Variants in KCNQ5 observed in about 807,000 individuals in gnomAD.
KCNQ5 encodes potassium voltage-gated channel subfamily KQT member 5.
A neutral mutation model predicts 98.2 loss-of-function variants in KCNQ5; 30 were observed. That is an observed-to-expected ratio of 0.31 (90% CI 0.23 to 0.41). KCNQ5 has a LOEUF of 0.41. Among genes scored for constraint, KCNQ5 ranks in the 10% least tolerant of loss-of-function variants. The probability of loss-of-function intolerance (pLI) is 1.00; values close to 1 mark genes in which losing one functional copy is unlikely to be tolerated. For missense variants in KCNQ5, 835 were observed against 1,182.5 expected (o/e 0.71, Z 4.31); for synonymous variants, 458 against 449.4 (o/e 1.02, Z -0.24).
intron 1 of KCNQ5, among the ~76,000 whole-genome samples, chr6:72,661,065 A>C (rs897025108): frequency 6.6e-6 from 1 of 152,060 alleles, no homozygotes; most frequent in Non-Finnish European, 1.5e-5. Flanking sequence ...TAAAATATTT[A>C]TTATTTTCCA....
At chr6:73,165,021 C>A (rs1415051072) in intron 10 of KCNQ5, among the ~76,000 whole-genome samples, 1 of 151,898 alleles carries the variant, frequency 6.6e-6, no homozygotes, top group Non-Finnish European at 1.5e-5. Context: ...CTCTGTTGCC[C>A]AGGCTGGAGT....
At chr6:73,191,221 C>G (rs1167454227) in intron 12 of KCNQ5, among the ~76,000 whole-genome samples, 1 of 152,088 alleles carries the variant, frequency 6.6e-6, no homozygotes, top group East Asian at 1.9e-4. Flanking sequence ...GAGTCTACTG[C>G]AGAGCACAAG....
intron 1 of KCNQ5, among the ~76,000 whole-genome samples, chr6:72,942,197 A>G (rs905012269): frequency 6.6e-6 from 1 of 152,226 alleles, no homozygotes; most frequent in Admixed American, 6.5e-5. Flanking sequence ...TTTGCCTTAT[A>G]TATAACCAAA....
chr6:72,758,945 C>A (rs1234160688), intron 1 of KCNQ5, among the ~76,000 whole-genome samples: 2 of 151,950 alleles, frequency 1.3e-5, no homozygotes, highest in Admixed American at 6.6e-5. Flanking sequence ...TTAACATCAC[C>A]CAGAATGGCC....
intron 1 of KCNQ5, among the ~76,000 whole-genome samples, chr6:72,999,616 T>C (rs1255687752): frequency 6.6e-6 from 1 of 152,212 alleles, no homozygotes; most frequent in East Asian, 1.9e-4. Context: ...TTAATTTTTA[T>C]GTGTGCCATG....
intron 1 of KCNQ5, among the ~76,000 whole-genome samples, chr6:72,998,520 G>C (rs1427719722): frequency 1.3e-5 from 2 of 152,050 alleles, no homozygotes; most frequent in Non-Finnish European, 2.9e-5. Flanking sequence ...CGGATTATGA[G>C]GTCAGGAGAT....
intron 1 of KCNQ5, among the ~76,000 whole-genome samples, chr6:72,937,597 G>A (rs1289623218): frequency 6.6e-6 from 1 of 152,010 alleles, no homozygotes; most frequent in African/African-American, 2.4e-5. Flanking sequence ...GTAAAAGCAG[G>A]TGGATTGTGC....
At chr6:72,765,463 A>G (rs1272075250) in intron 1 of KCNQ5, among the ~76,000 whole-genome samples, 7 of 152,092 alleles carry the variant, frequency 4.6e-5, no homozygotes, top group African/African-American at 9.7e-5. Context: ...AGGAAAGTCC[A>G]TGGTGATATT....
At chr6:73,050,241 A>G (rs1368441410) in intron 3 of KCNQ5, among the ~76,000 whole-genome samples, 1 of 137,318 alleles carries the variant, frequency 7.3e-6, no homozygotes, top group Non-Finnish European at 1.6e-5. Flanking sequence ...AAAGGAAGGA[A>G]GGAAAGAAGG....
At chr6:72,787,004 CAAAAAAAAAA>C (rs1045803750) in intron 1 of KCNQ5, among the ~76,000 whole-genome samples, 19 of 50,462 alleles carry the variant, frequency 3.8e-4, no homozygotes, top group Non-Finnish European at 6.8e-4. Flanking sequence ...GACTCTGTCT[CAAAAAAAAAA>C]AAAAAAAAAA....
chr6:73,145,394 G>A (rs1562205124), intron 10 of KCNQ5, among the ~76,000 whole-genome samples: 1 of 152,186 alleles, frequency 6.6e-6, no homozygotes, highest in African/African-American at 2.4e-5. Flanking sequence ...ATGCTGCTTA[G>A]CATGTTTTCT....
chr6:73,040,192 T>C (rs1454065223), intron 2 of KCNQ5, among the ~76,000 whole-genome samples: 3 of 152,204 alleles, frequency 2.0e-5, no homozygotes, highest in African/African-American at 7.2e-5. Flanking sequence ...ATGGACATAT[T>C]GGTGTCATCT....
At chr6:72,864,409 A>G (rs773900533) in intron 1 of KCNQ5, among the ~76,000 whole-genome samples, 85 of 152,252 alleles carry the variant, frequency 5.6e-4, no homozygotes, top group Non-Finnish European at 1.1e-3. Context: ...AAAACGGCAA[A>G]CTCTTTGCCC....
intron 5 of KCNQ5, among the ~76,000 whole-genome samples, chr6:73,083,797 G>C (rs539431144): frequency 3.3e-5 from 5 of 152,170 alleles, no homozygotes; most frequent in South Asian, 4.2e-4. Context: ...GAATAACAAG[G>C]CTGTCTCATA....
chr6:72,902,945 C>T (rs1160174911), intron 1 of KCNQ5, among the ~76,000 whole-genome samples: 1 of 152,100 alleles, frequency 6.6e-6, no homozygotes, highest in African/African-American at 2.4e-5. Context: ...TAGAAATCTG[C>T]TGTGAATCCA....
In KCNQ5 at chr6:73,192,695, C is replaced by T; in HGVS notation, c.1836+4C>T. On this transcript the variant is annotated splice_donor_region_variant and intron_variant, in intron 13 of 13. Coordinates refer to ENST00000370398, the MANE Select transcript of KCNQ5 (RefSeq NM_019842.4). ...GGTGGTCAAGGTTGAAAAACAGGTACAACTCAACTACGCTGGGTATCTTTT... is the reference window on the plus strand; with the variant it reads ...GGTGGTCAAGGTTGAAAAACAGGTATAACTCAACTACGCTGGGTATCTTTT... 6.3e-7 allele frequency: 1 copy of T among 1,579,544 alleles called. No homozygotes were observed. The highest frequency in any genetic ancestry group is 8.6e-7 in the Non-Finnish European group (1 of 1,164,416).
At chr6:72,654,311 T>C (rs991147736) in intron 1 of KCNQ5, among the ~76,000 whole-genome samples, 1 of 152,014 alleles carries the variant, frequency 6.6e-6, no homozygotes, top group East Asian at 1.9e-4. Flanking sequence ...GTAATTGTAG[T>C]GAAGATGGAC....
At chr6:72,746,508 G>GT (rs1771416250) in intron 1 of KCNQ5, among the ~76,000 whole-genome samples, 1 of 152,122 alleles carries the variant, frequency 6.6e-6, no homozygotes, top group East Asian at 1.9e-4. Flanking sequence ...AGGTACTAAT[G>GT]GGAGTAGTCA....
chr6:72,970,277 C>T (rs2150282655), intron 1 of KCNQ5, among the ~76,000 whole-genome samples: 1 of 152,044 alleles, frequency 6.6e-6, no homozygotes, highest in African/African-American at 2.4e-5. Context: ...TAATAAAAGA[C>T]AAATAAGAAA....
Sources: allele counts gnomAD v4.1 joint callset (sites outside exome capture counted in the v4.1 genomes callset), GRCh38; gene constraint gnomAD v4.1.1; transcripts MANE v1.5; gene names NCBI Gene and HGNC (gene_info 2026-07-23, HGNC 2026-07-21).